VPS13B: variants seen among roughly 807,000 people sequenced by gnomAD.
VPS13B encodes the protein vacuolar protein sorting 13 homolog B.
Under a neutral mutation model 426.4 loss-of-function variants are expected in VPS13B, and 285 were observed. The observed-to-expected ratio is 0.67, with a 90% confidence interval of 0.61 to 0.74. The LOEUF is 0.74. Ranked by LOEUF, VPS13B falls within the 30% of genes least tolerant of loss-of-function variation. The pLI, the probability that VPS13B is intolerant of heterozygous loss-of-function variation, is 0.00. For missense variants in VPS13B, 4,537 were observed against 4,782.6 expected (o/e 0.95, Z 1.51); for synonymous variants, 1,676 against 1,676.4 (o/e 1.00, Z 0.01).
At chr8:99,659,931 G>A (rs1409347474) in intron 34 of VPS13B, among the ~76,000 whole-genome samples, 4 of 152,102 alleles carry the variant, frequency 2.6e-5, no homozygotes, top group Non-Finnish European at 5.9e-5. Context: ...CAAAATAGAT[G>A]CCCAGGTCCT....
At chr8:99,022,915 G>A (rs1032369726) in intron 2 of VPS13B, among the ~76,000 whole-genome samples, 1 of 150,860 alleles carries the variant, frequency 6.6e-6, no homozygotes, top group African/African-American at 2.4e-5. Flanking sequence ...CCTTGTTTTG[G>A]GTTGGGTTTG....
chr8:99,661,632 C>A, intron 35 of VPS13B, 141 bp downstream of exon 35: 1 of 1,035,314 alleles, frequency 9.7e-7, no homozygotes, highest in South Asian at 1.5e-5. Flanking sequence ...GCTTTTCAGG[C>A]TGCCCATTTT....
chr8:99,362,878 G>T (rs1274379030), intron 19 of VPS13B, among the ~76,000 whole-genome samples: 3 of 152,262 alleles, frequency 2.0e-5, no homozygotes, highest in Non-Finnish European at 2.9e-5. Context: ...TTTACCATTT[G>T]TATGTCTTCT....
At chr8:99,047,589 G>A (rs1027387457) in intron 3 of VPS13B, among the ~76,000 whole-genome samples, 2 of 151,970 alleles carry the variant, frequency 1.3e-5, no homozygotes, top group East Asian at 1.9e-4. Flanking sequence ...GTTTGTTCTC[G>A]TTCTCTAGCT....
chr8:99,219,678 T>A (rs1028503574), intron 17 of VPS13B, among the ~76,000 whole-genome samples: 1 of 152,168 alleles, frequency 6.6e-6, no homozygotes, highest in African/African-American at 2.4e-5. Context: ...TCCGCTTCTG[T>A]GATAACAAGC....
At chr8:99,325,312 C>A (rs1810188741) in intron 19 of VPS13B, among the ~76,000 whole-genome samples, 1 of 152,196 alleles carries the variant, frequency 6.6e-6, no homozygotes, top group African/African-American at 2.4e-5. Context: ...AGACTAACTT[C>A]TCACCGTCAA....
At chr8:99,592,395 C>T (rs762576071) in intron 33 of VPS13B, among the ~76,000 whole-genome samples, 13 of 151,952 alleles carry the variant, frequency 8.6e-5, no homozygotes, top group Admixed American at 3.3e-4. Context: ...GTAGAACGGG[C>T]GCTCTGGTTT....
rs1432853231 is a variant in VPS13B, at chr8:99,877,430, G to A, written c.*1764G>A. 2.0e-5 allele frequency: 3 copies of A among 152,494 alleles called. No homozygotes were observed. Among genetic ancestry groups the A allele is most frequent in the South Asian group, 4.2e-4 (2 of 4,812 alleles). The allele number at this position is 152,494 out of a possible 1,614,324, so 9.4% of individuals were successfully genotyped here. Reference sequence around the variant, plus strand: ...AAATAAAAGGTGTCCTTGAATTACTGACCACCCATAGATGTCTACTGTTAC... The same window carrying A: ...AAATAAAAGGTGTCCTTGAATTACTAACCACCCATAGATGTCTACTGTTAC... On this transcript the variant is annotated 3_prime_UTR_variant, in exon 62 of 62. Coordinates refer to ENST00000357162, the MANE Select transcript of VPS13B (RefSeq NM_152564.5).
intron 31 of VPS13B, among the ~76,000 whole-genome samples, chr8:99,561,066 G>A (rs1036988132): frequency 2.6e-5 from 4 of 152,060 alleles, no homozygotes; most frequent in African/African-American, 9.7e-5. Flanking sequence ...ACCATTTAAG[G>A]TGAACATTTA....
intron 8 of VPS13B, among the ~76,000 whole-genome samples, chr8:99,126,129 T>C (rs1440662328): frequency 6.6e-6 from 1 of 152,202 alleles, no homozygotes; most frequent in Non-Finnish European, 1.5e-5. Context: ...CATTAATTCA[T>C]GATAGCAGGA....
At chr8:99,207,946 T>C (rs1814823275) in intron 17 of VPS13B, among the ~76,000 whole-genome samples, 1 of 152,206 alleles carries the variant, frequency 6.6e-6, no homozygotes, top group African/African-American at 2.4e-5. Context: ...CTGTGTCACC[T>C]ATTACAAGAT....
At chr8:99,478,285 A>T (rs370775923) in intron 24 of VPS13B, among the ~76,000 whole-genome samples, 1 of 151,534 alleles carries the variant, frequency 6.6e-6, no homozygotes, top group East Asian at 1.9e-4. Context: ...CTATTCATTT[A>T]TTTATCGTTT....
chr8:99,693,358 G>A (rs1380879004), intron 35 of VPS13B, among the ~76,000 whole-genome samples: 1 of 150,568 alleles, frequency 6.6e-6, no homozygotes, highest in African/African-American at 2.4e-5. Flanking sequence ...TGATCAAGTG[G>A]GCATCATCCC....
At chr8:99,083,075 T>G (rs1041449252) in intron 3 of VPS13B, among the ~76,000 whole-genome samples, 7 of 152,178 alleles carry the variant, frequency 4.6e-5, no homozygotes, top group Admixed American at 2.6e-4. Flanking sequence ...TTCATGATAT[T>G]GATTCTTCCT....
chr8:99,759,748 C>T (rs994282238), intron 39 of VPS13B, among the ~76,000 whole-genome samples: 1 of 152,178 alleles, frequency 6.6e-6, no homozygotes, highest in African/African-American at 2.4e-5. Context: ...ATCCATATGG[C>T]TGCTCAGGCT....
intron 19 of VPS13B, chr8:99,341,082 C>A: frequency 3.6e-6 from 1 of 275,896 alleles, no homozygotes; most frequent in South Asian, 5.3e-5. Flanking sequence ...AAAGGTTATT[C>A]TTAACCCATC....
chr8:99,699,131 CTTTTTTTTTTT>C (rs370004663), intron 35 of VPS13B, among the ~76,000 whole-genome samples: 10 of 90,560 alleles, frequency 1.1e-4, no homozygotes, highest in East Asian at 3.6e-4. Context: ...TAAGGAAAGT[CTTTTTTTTTTT>C]TTTTTTTTTT....
chr8:99,178,862 G>A (rs1812784122), intron 16 of VPS13B, among the ~76,000 whole-genome samples: 1 of 151,852 alleles, frequency 6.6e-6, no homozygotes, highest in East Asian at 1.9e-4. Context: ...CCTCAAGTGA[G>A]CCACCCGCCT....
chr8:99,714,490 A>G (rs1197381398), intron 36 of VPS13B, among the ~76,000 whole-genome samples: 1 of 152,176 alleles, frequency 6.6e-6, no homozygotes, highest in Non-Finnish European at 1.5e-5. Flanking sequence ...ATTTGAAGAA[A>G]AAGAGCATAT....
Sources: gnomAD v4.1 joint callset for allele counts (sites outside exome capture counted in the v4.1 genomes callset) on GRCh38, gnomAD v4.1.1 for gene constraint, MANE v1.5 for transcripts, NCBI Gene and HGNC (gene_info 2026-07-23, HGNC 2026-07-21) for gene names.